The following SLC12A8 variants were observed in gnomAD, a reference collection of about 807,000 sequenced individuals.
SLC12A8 encodes solute carrier family 12 member 8, also known as cation-chloride cotransporter 9.
In SLC12A8, 69 loss-of-function variants were observed where a neutral mutation model predicts 75.6. The ratio of observed to expected loss-of-function variants is 0.91; its 90% CI spans 0.75 to 1.11. SLC12A8 has a LOEUF of 1.11. Among genes scored for constraint, SLC12A8 ranks in the 50% most tolerant of loss-of-function variants. The pLI is 0.00. For missense variants in SLC12A8, 877 were observed against 896.7 expected, an observed-to-expected ratio of 0.98 and a Z score of 0.28; for synonymous variants, 365 against 372.8, an observed-to-expected ratio of 0.98 and a Z score of 0.24.
chr3:125,148,429 G>A (rs1014356433), intron 5 of SLC12A8, among the ~76,000 whole-genome samples: 1 of 152,228 alleles, frequency 6.6e-6, no homozygotes, highest in Non-Finnish European at 1.5e-5. Flanking sequence ...GGACATGTAA[G>A]TTGGATTGCG....
intron 5 of SLC12A8, among the ~76,000 whole-genome samples, chr3:125,142,298 G>A (rs1933669439): frequency 6.6e-6 from 1 of 152,236 alleles, no homozygotes; most frequent in Non-Finnish European, 1.5e-5. Context: ...GCCCCAGATG[G>A]GCTAAGAGGC....
At chr3:125,144,997 C>G (rs954574303) in intron 5 of SLC12A8, among the ~76,000 whole-genome samples, 1 of 152,210 alleles carries the variant, frequency 6.6e-6, no homozygotes, top group African/African-American at 2.4e-5. Context: ...ACCCCAAGTC[C>G]TACCCAAGAA....
intron 10 of SLC12A8, among the ~76,000 whole-genome samples, chr3:125,100,906 G>A (rs1270312817): frequency 1.9e-4 from 29 of 148,720 alleles, no homozygotes; most frequent in African/African-American, 5.9e-4. Context: ...CCAGCTACTC[G>A]GGAGGCTGAG....
At chr3:125,179,524 G>C (rs972997176) in intron 4 of SLC12A8, among the ~76,000 whole-genome samples, 1 of 152,150 alleles carries the variant, frequency 6.6e-6, no homozygotes, top group South Asian at 2.1e-4. Flanking sequence ...TTGTGAACAA[G>C]GCCCCATTCT....
intron 4 of SLC12A8, among the ~76,000 whole-genome samples, chr3:125,180,667 G>T (rs1934639711): frequency 6.6e-6 from 1 of 152,152 alleles, no homozygotes; most frequent in South Asian, 2.1e-4. Context: ...CTCCAGCCTG[G>T]GCAGAAAATA....
At chr3:125,109,213 C>T (rs534553625) in intron 9 of SLC12A8, among the ~76,000 whole-genome samples, 2 of 152,286 alleles carry the variant, frequency 1.3e-5, no homozygotes, top group African/African-American at 4.8e-5. Flanking sequence ...CCCCAGGCTC[C>T]ATCCTCAGAT....
chr3:125,091,158 AG>A, intron 12 of SLC12A8, among the ~76,000 whole-genome samples: 1 of 152,242 alleles, frequency 6.6e-6, no homozygotes, highest in African/African-American at 2.4e-5. Flanking sequence ...ACAAAGTATA[AG>A]AAACTTACAA....
intron 4 of SLC12A8, among the ~76,000 whole-genome samples, chr3:125,183,780 C>A (rs1934714605): frequency 1.3e-5 from 2 of 151,942 alleles, no homozygotes; most frequent in African/African-American, 2.4e-5. Flanking sequence ...CACCAAGAAC[C>A]CTCAGGCCCA....
At chr3:125,183,213 C>G (rs1488166285) in intron 4 of SLC12A8, among the ~76,000 whole-genome samples, 1 of 152,128 alleles carries the variant, frequency 6.6e-6, no homozygotes, top group Non-Finnish European at 1.5e-5. Context: ...GCTGCTTTTC[C>G]TTGGAAAACA....
intron 5 of SLC12A8, among the ~76,000 whole-genome samples, chr3:125,145,156 G>A (rs78744273): frequency 1.1e-3 from 166 of 152,328 alleles, no homozygotes; most frequent in Middle Eastern, 3.4e-3. Context: ...ACGTCACAAA[G>A]TTAGCAGCTG....
intron 6 of SLC12A8, among the ~76,000 whole-genome samples, chr3:125,135,063 T>C (rs1414119846): frequency 2.0e-5 from 3 of 152,204 alleles, no homozygotes; most frequent in Non-Finnish European, 4.4e-5. Context: ...TACAGGGACC[T>C]TGGCTGTGGG....
Position 125,120,632 on chromosome 3 carries a change from A to T in SLC12A8, c.791T>A (p.Ile264Asn). The T allele has an allele frequency of 6.2e-7, 1 of 1,613,826 alleles. No individual in the cohort carries two copies. Among genetic ancestry groups the T allele is most frequent in the Non-Finnish European group, 8.5e-7 (1 of 1,179,930 alleles). The change falls in exon 7 of 14, where the codon ATT becomes AAT. Residue 264 changes from isoleucine to asparagine, a missense_variant. Coordinates refer to ENST00000469902, the MANE Select transcript of SLC12A8 (RefSeq NM_024628.6). ...AACAGCTGCCAGGGAGCCCAGGGGA[A>T]TGCTGGCGGCAGGCTCCCTGAGGTC... Reference protein sequence around the residue: ...GGDLREPAASIPLGSLAAVGI... With the variant: ...GGDLREPAASNPLGSLAAVGI...
At chr3:125,142,260 G>C (rs1933668233) in intron 5 of SLC12A8, among the ~76,000 whole-genome samples, 1 of 152,174 alleles carries the variant, frequency 6.6e-6, no homozygotes. Flanking sequence ...CCCCATCCTC[G>C]CCCGGACACT....
At chr3:125,118,715 C>A in intron 8 of SLC12A8, 54 bp downstream of exon 8, 1 of 1,384,332 alleles carries the variant, frequency 7.2e-7, no homozygotes, top group Non-Finnish European at 1.0e-6. Context: ...TTGGTGAGAA[C>A]AAATAAATGA....
In SLC12A8 at chr3:125,097,011, T is replaced by TA. The variant is rs545442175; in HGVS notation, c.1706-4814dup. Among the ~76,000 whole-genome samples the TA allele has an allele frequency of 1.1e-4, 17 of 152,336 alleles. No individual in the cohort carries two copies. The East Asian group carries it at 2.7e-3, about 24-fold the overall frequency. On this transcript the variant is annotated intron_variant, in intron 10 of 13. Transcript: ENST00000469902. Reference sequence around the variant, plus strand: ...TTAATTAATGGCAATCATAATTATTTAAAAAATTGTTTAATTTTAACAATT... The same window carrying TA: ...TTAATTAATGGCAATCATAATTATTTAAAAAAATTGTTTAATTTTAACAATT...
At chr3:125,114,022 A>G (rs10512636) in intron 8 of SLC12A8, among the ~76,000 whole-genome samples, 28,778 of 152,124 alleles carry the variant, frequency 0.19, 2,910 homozygotes, top group Middle Eastern at 0.31. Flanking sequence ...TCCCAAGTGT[A>G]TTAATAAGGC....
intron 5 of SLC12A8, among the ~76,000 whole-genome samples, chr3:125,160,859 G>A (rs1256362748): frequency 6.6e-6 from 1 of 151,718 alleles, no homozygotes; most frequent in Non-Finnish European, 1.5e-5. Context: ...ACAGGGCACA[G>A]CCAGAGCACT....
intron 8 of SLC12A8, among the ~76,000 whole-genome samples, chr3:125,116,346 C>T (rs1363705777): frequency 2.0e-5 from 3 of 152,192 alleles, no homozygotes; most frequent in East Asian, 3.8e-4. Flanking sequence ...TTGTCCTCTC[C>T]GAAAACTAAA....
chr3:125,142,039 G>C (rs1307522253), intron 5 of SLC12A8, among the ~76,000 whole-genome samples: 1 of 152,176 alleles, frequency 6.6e-6, no homozygotes, highest in Admixed American at 6.5e-5. Flanking sequence ...CGGCGCGCAC[G>C]CAAGACCTCG....
Sources: gnomAD v4.1 joint callset for allele counts (sites outside exome capture counted in the v4.1 genomes callset) on GRCh38, gnomAD v4.1.1 for gene constraint, MANE v1.5 for transcripts, NCBI Gene and HGNC (gene_info 2026-07-23, HGNC 2026-07-21) for gene names.